GLIS3: variants seen among roughly 807,000 people sequenced by gnomAD.
The protein encoded by GLIS3 is GLIS family zinc finger 3, also known as zinc finger protein GLIS3.
GLIS3 carries 53 observed loss-of-function variants against 78.6 expected under a neutral mutation model. That is an observed-to-expected ratio of 0.67 (90% CI 0.54 to 0.85). The LOEUF (loss-of-function observed/expected upper bound fraction) is 0.85, where lower values mean the gene tolerates loss of function less well. Ranked by LOEUF, GLIS3 falls within the 40% of genes least tolerant of loss-of-function variation. The probability of loss-of-function intolerance (pLI) is 0.00; values close to 1 mark genes in which losing one functional copy is unlikely to be tolerated. For missense variants in GLIS3, 1,703 were observed against 1,231.1 expected, an observed-to-expected ratio of 1.38 and a Z score of -5.74; for synonymous variants, 684 against 509.9, an observed-to-expected ratio of 1.34 and a Z score of -4.60.
intron 4 of GLIS3, among the ~76,000 whole-genome samples, chr9:4,091,185 T>C (rs1239331871): frequency 6.6e-6 from 1 of 151,970 alleles, no homozygotes; most frequent in South Asian, 2.1e-4. Flanking sequence ...TGAGACCCCA[T>C]CTCTACAAAA....
At chr9:3,912,346 C>G (rs952996008) in intron 6 of GLIS3, among the ~76,000 whole-genome samples, 3 of 152,120 alleles carry the variant, frequency 2.0e-5, no homozygotes, top group African/African-American at 7.2e-5. Flanking sequence ...ATGCATAGCG[C>G]CCTGGAATTA....
intron 4 of GLIS3, among the ~76,000 whole-genome samples, chr9:4,077,042 G>A (rs1828130720): frequency 6.6e-6 from 1 of 152,150 alleles, no homozygotes; most frequent in Admixed American, 6.5e-5. Flanking sequence ...CTGGGTGAGA[G>A]ACCAAGACCT....
At chr9:4,303,800 A>C (rs962014747), upstream of GLIS3, among the ~76,000 whole-genome samples, 3 of 152,238 alleles carry the variant, frequency 2.0e-5, no homozygotes, top group African/African-American at 7.2e-5. Context: ...ATTCCTTGAC[A>C]TATTACTTAG....
intron 2 of GLIS3, among the ~76,000 whole-genome samples, chr9:4,178,800 T>G (rs1586891636): frequency 1.3e-5 from 2 of 152,228 alleles, no homozygotes; most frequent in East Asian, 1.9e-4. Context: ...CATTATTCAT[T>G]AAAAATATTT....
intron 4 of GLIS3, among the ~76,000 whole-genome samples, chr9:4,089,834 C>G (rs541750648): frequency 1.3e-5 from 2 of 152,118 alleles, no homozygotes; most frequent in South Asian, 2.1e-4. Flanking sequence ...CAACAAAAAC[C>G]CATAAAAAAT....
intron 1 of GLIS3, among the ~76,000 whole-genome samples, chr9:4,291,738 T>C (rs530273900): frequency 4.6e-5 from 7 of 152,234 alleles, no homozygotes; most frequent in East Asian, 1.9e-4. Flanking sequence ...TGGCTACAGA[T>C]TGCTGGAGCA....
At chr9:4,258,958 T>C (rs962195978) in intron 2 of GLIS3, among the ~76,000 whole-genome samples, 2 of 152,128 alleles carry the variant, frequency 1.3e-5, no homozygotes, top group Non-Finnish European at 2.9e-5. Flanking sequence ...GACTTTACTA[T>C]CACAAAGCCC....
chr9:4,350,338 A>G (rs767247587), upstream of GLIS3, among the ~76,000 whole-genome samples: 12 of 152,178 alleles, frequency 7.9e-5, no homozygotes, highest in African/African-American at 1.2e-4. Flanking sequence ...TAAAGAGACT[A>G]TTTCAGTTAT....
chr9:4,466,769 T>A, the GLIS3 span, among the ~76,000 whole-genome samples: 9 of 152,154 alleles, frequency 5.9e-5, no homozygotes, highest in Admixed American at 5.9e-4. Context: ...ACAGGGTTCA[T>A]CTCACTAGGG....
chr9:4,230,102 T>C (rs920085975), intron 2 of GLIS3, among the ~76,000 whole-genome samples: 14 of 152,182 alleles, frequency 9.2e-5, no homozygotes, highest in African/African-American at 2.9e-4. Flanking sequence ...AGTGAAATGG[T>C]ATAGGTCAGG....
the GLIS3 span, among the ~76,000 whole-genome samples, chr9:4,419,456 G>A: frequency 0.011 from 1,736 of 152,272 alleles, 28 homozygotes; most frequent in African/African-American, 0.04. Flanking sequence ...CAAAGTGGGA[G>A]GAGCAAGAGA....
the GLIS3 span, among the ~76,000 whole-genome samples, chr9:4,416,211 C>G: frequency 8.0e-6 from 1 of 125,232 alleles, no homozygotes; most frequent in Non-Finnish European, 1.6e-5. Flanking sequence ...GAGATTGAGC[C>G]ACTGTACTCT....
At chr9:4,228,995 T>G (rs934018082) in intron 2 of GLIS3, among the ~76,000 whole-genome samples, 1 of 135,258 alleles carries the variant, frequency 7.4e-6, no homozygotes, top group African/African-American at 2.6e-5. Context: ...CTAGCAATAG[T>G]TAACTGTTTT....
rs78434508 is a variant in GLIS3, at chr9:4,282,998, G to T, written c.388+3040C>A. On this transcript the variant is annotated intron_variant, in intron 2 of 10. Transcript: ENST00000381971. ...GGTGCAAGTCCATGACATGCACCAG[G>T]ATTTCTTCCCTCCAAGTTTTGAGTG... Among the ~76,000 whole-genome samples the T allele has an allele frequency of 9.3e-3, 1,409 of 152,010 alleles. 12 individuals are homozygous for T. The highest frequency in any genetic ancestry group is 0.017 in the Middle Eastern group (5 of 294).
chr9:4,039,527 C>T (rs987412601), intron 4 of GLIS3, among the ~76,000 whole-genome samples: 1 of 152,112 alleles, frequency 6.6e-6, no homozygotes, highest in African/African-American at 2.4e-5. Context: ...GGACGGCAGC[C>T]TCAAAAAGGA....
intron 4 of GLIS3, among the ~76,000 whole-genome samples, chr9:4,057,942 T>C (rs1826285190): frequency 6.6e-6 from 1 of 152,210 alleles, no homozygotes; most frequent in Non-Finnish European, 1.5e-5. Flanking sequence ...AAAGAAAATA[T>C]AATATTCTAA....
intron 9 of GLIS3, among the ~76,000 whole-genome samples, chr9:3,849,795 G>A (rs1044280679): frequency 6.6e-6 from 1 of 152,106 alleles, no homozygotes; most frequent in Admixed American, 6.5e-5. Context: ...TATAGTCCCA[G>A]CTACTCAGGA....
intron 2 of GLIS3, among the ~76,000 whole-genome samples, chr9:4,241,134 T>A (rs549836754): frequency 6.6e-6 from 1 of 152,192 alleles, no homozygotes; most frequent in Non-Finnish European, 1.5e-5. Flanking sequence ...GAAACCTGCT[T>A]CTTTGTGCAC....
intron 2 of GLIS3, among the ~76,000 whole-genome samples, chr9:4,162,309 A>G (rs967857147): frequency 6.6e-5 from 10 of 152,016 alleles, no homozygotes; most frequent in African/African-American, 2.4e-4. Flanking sequence ...CAAAAGCTCT[A>G]TCTCCAGAAA....
Sources: gnomAD v4.1 joint callset for allele counts (sites outside exome capture counted in the v4.1 genomes callset) on GRCh38, gnomAD v4.1.1 for gene constraint, MANE v1.5 for transcripts, NCBI Gene and HGNC (gene_info 2026-07-23, HGNC 2026-07-21) for gene names.